The following GEN1 variants were observed in gnomAD, a reference collection of about 807,000 sequenced individuals.
GEN1 encodes the protein GEN1 structure-specific endonuclease, also known as flap endonuclease GEN homolog 1.
A neutral mutation model predicts 67.6 loss-of-function variants in GEN1; 64 were observed. The ratio of observed to expected loss-of-function variants is 0.95; its 90% CI spans 0.77 to 1.17. The LOEUF (loss-of-function observed/expected upper bound fraction) is 1.17, where lower values mean the gene tolerates loss of function less well. GEN1 is among the 50% of genes most tolerant of loss of function. The pLI is 0.00. For missense variants in GEN1, 1,058 were observed against 1,048.3 expected, an observed-to-expected ratio of 1.01 and a Z score of -0.13; for synonymous variants, 371 against 359.4, an observed-to-expected ratio of 1.03 and a Z score of -0.37.
Position 17,760,102 on chromosome 2 carries a change from C to T in GEN1, c.159C>T (p.Leu53=), listed in dbSNP as rs756747844. ...KMMGSVMKPH[L]RNLFFRISYL... ...TGGGCAGCGTCATGAAGCCCCACCT[C>T]AGGTATAGTAAAAGCTCTTACAGTA... Residue 53 remains leucine, a splice_region_variant and synonymous_variant, in exon 2 of 14, where the codon CTC becomes CTT. Coordinates refer to ENST00000381254, the MANE Select transcript of GEN1 (RefSeq NM_001130009.3). The T allele has an allele frequency of 2.5e-6, 4 of 1,613,752 alleles. No individual in the cohort carries two copies. Among genetic ancestry groups the T allele is most frequent in the Non-Finnish European group, 3.4e-6 (4 of 1,179,826 alleles).
At chr2:17,761,251 T>C in intron 2 of GEN1, 145 bp from the exon 3 acceptor site, 1 of 574,374 alleles carries the variant, frequency 1.7e-6, no homozygotes, top group Non-Finnish European at 3.1e-6. Flanking sequence ...ATTCAGTGGT[T>C]TTCCACTCTA....
chr2:17,777,933 C>G (rs1391821775), intron 11 of GEN1, 69 bp from the exon 12 acceptor site: 1 of 828,276 alleles, frequency 1.2e-6, no homozygotes, highest in Non-Finnish European at 2.0e-6. Flanking sequence ...GGAAATTATT[C>G]AGGTTAGAAA....
At chr2:17,777,785 A>G (rs115719988) in intron 11 of GEN1, among the ~76,000 whole-genome samples, 362 of 152,240 alleles carry the variant, frequency 2.4e-3, no homozygotes, top group African/African-American at 8.4e-3. Flanking sequence ...ACTGCATAAT[A>G]AGGTAAGAAA....
rs1043876544 is a variant in GEN1, at chr2:17,784,359, G to T, written c.*2420G>T. On this transcript the variant is annotated 3_prime_UTR_variant, in exon 14 of 14. Coordinates refer to ENST00000381254, the MANE Select transcript of GEN1 (RefSeq NM_001130009.3). ...GAAATTGAAATTCTCATAACATGCTGGTAGGAATGTAAAATGGGGCAGCCA... is the reference window on the plus strand; with the variant it reads ...GAAATTGAAATTCTCATAACATGCTTGTAGGAATGTAAAATGGGGCAGCCA... 1 of 152,168 alleles carries T rather than the reference G, an allele frequency of 6.6e-6. No individual in the cohort carries two copies. Among genetic ancestry groups the T allele is most frequent in the African/African-American group, 2.4e-5 (1 of 41,420 alleles). 9.4% of individuals were successfully genotyped at this position (152,168 alleles called of 1,614,324 possible).
rs1672251463 is a variant in GEN1, at chr2:17,772,752, G to A, written c.921G>A (p.Arg307=). 1.9e-6 allele frequency: 3 copies of A among 1,610,330 alleles called. 1 individual carries two copies. The highest frequency in any genetic ancestry group is 2.2e-5 in the South Asian group (2 of 90,646). The change falls in exon 8 of 14, where the codon AGG becomes AGA. Residue 307 remains arginine, a synonymous_variant. Transcript: ENST00000381254. ...AGTGGCACCGTACAGAACATGATAG[G>A]CAACTCAGTGAAGTAGAGAACAATA... The part of the protein sequence containing the change: ...PCEWHRTEHD[R]QLSEVENNIK...
Position 17,782,305 on chromosome 2 carries a change from T to A in GEN1, c.*366T>A, listed in dbSNP as rs1004208594. The A allele has an allele frequency of 6.4e-6, 1 of 156,790 alleles. No homozygotes were observed. The highest frequency in any genetic ancestry group is 2.4e-5 in the African/African-American group (1 of 41,594). 9.7% of individuals were successfully genotyped at this position (156,790 alleles called of 1,614,324 possible). A position where few individuals can be genotyped will look rare whatever the true frequency, so the allele number is the denominator to read the frequency against. On this transcript the variant is annotated 3_prime_UTR_variant, in exon 14 of 14. Coordinates refer to ENST00000381254, the MANE Select transcript of GEN1 (RefSeq NM_001130009.3). The stretch of plus-strand genomic sequence containing the variant: ...CAGCTTGTTCCCAAGAGGATAATTC[T>A]TTATACTTCTCTTCATTCTTTTAAG...
chr2:17,772,557 T>C, intron 7 of GEN1, 77 bp from the exon 8 acceptor site: 1 of 1,358,320 alleles, frequency 7.4e-7, no homozygotes, highest in Non-Finnish European at 1.0e-6. Flanking sequence ...AAAATTTAGA[T>C]ACTGGCAAAA....
chr2:17,774,943 C>T (rs1185447484), intron 11 of GEN1, among the ~76,000 whole-genome samples: 2 of 151,738 alleles, frequency 1.3e-5, no homozygotes, highest in Non-Finnish European at 2.9e-5. Context: ...CCAGAAAGCC[C>T]ACTGGAAATT....
intron 5 of GEN1, among the ~76,000 whole-genome samples, chr2:17,767,202 C>CACAA (rs1671974000): frequency 6.6e-6 from 1 of 152,152 alleles, no homozygotes; most frequent in Non-Finnish European, 1.5e-5. Flanking sequence ...GATGCACAAT[C>CACAA]TAGTGCTCTG....
In GEN1 at chr2:17,781,521, C is replaced by T. The variant is rs1341029944; in HGVS notation, c.2309C>T (p.Pro770Leu). 1.2e-6 allele frequency: 2 copies of T among 1,613,630 alleles called. No homozygotes were observed. The highest frequency in any genetic ancestry group is 2.2e-5 in the East Asian group (1 of 44,860). ...NTVVKTCNVR[P>L]PNTALDHSRK... ...GTGGTAAAGACCTGCAATGTTAGAC[C>T]ACCAAATACTGCTTTAGATCATAGT... The change falls in exon 14 of 14, where the codon CCA becomes CTA. Residue 770 changes from proline to leucine, a missense_variant. Physicochemically the swap from Pro to Leu is moderately conservative, Grantham distance 98. Coordinates refer to ENST00000381254, the MANE Select transcript of GEN1 (RefSeq NM_001130009.3).
intron 12 of GEN1, among the ~76,000 whole-genome samples, chr2:17,779,500 T>C (rs1672721147): frequency 6.6e-6 from 1 of 152,214 alleles, no homozygotes; most frequent in Non-Finnish European, 1.5e-5. Context: ...TGTACTGCTA[T>C]CAACAGATTG....
rs149936944 is a variant in GEN1, at chr2:17,781,726, CAAGTT to C, written c.2515_2519del (p.Lys839GlufsTer2). ...CCCATTTCAAAGAAAGTGGCCATAA[CAAGTT>C]GAGTAGCCCTAAGATACATATTAAA... is the stretch of plus-strand genomic sequence containing the variant. On this transcript the variant is annotated frameshift_variant, in exon 14 of 14. Coordinates refer to ENST00000381254, the MANE Select transcript of GEN1 (RefSeq NM_001130009.3). LOFTEE classifies it low-confidence loss of function (END_TRUNC). 0.1 allele frequency: 162,367 copies of C among 1,613,120 alleles called. 8,733 individuals are homozygous for C. Among genetic ancestry groups the C allele is most frequent in the Non-Finnish European group, 0.11 (133,208 of 1,179,168 alleles).
chr2:17,777,891 A>C (rs976154792), intron 11 of GEN1, 111 bp from the exon 12 acceptor site: 1 of 604,826 alleles, frequency 1.7e-6, no homozygotes, highest in Non-Finnish European at 3.1e-6. Flanking sequence ...GTAATTCCTT[A>C]AAATGTTTTT....
intron 5 of GEN1, 74 bp downstream of exon 5, chr2:17,766,763 A>G (rs1421938537): frequency 6.6e-6 from 5 of 763,278 alleles, no homozygotes; most frequent in African/African-American, 1.8e-5. Flanking sequence ...ATAAATATGA[A>G]TATAATATGG....
Position 17,774,377 on chromosome 2 carries a change from ACT to A in GEN1, c.1181_1182del (p.Ser394Ter), listed in dbSNP as rs1189731507. The A allele has an allele frequency of 1.7e-5, 28 of 1,603,792 alleles. No homozygotes were observed. The highest frequency in any genetic ancestry group is 2.4e-5 in the Non-Finnish European group (28 of 1,174,304). On this transcript the variant is annotated frameshift_variant, in exon 11 of 14. Transcript: ENST00000381254. LOFTEE classifies it high-confidence loss of function. ...ATAGAAAGAAAGCTTGGTAGCAGAA[ACT>A]CTAATCAACTACAGCCAATTCGGTA... is the stretch of plus-strand genomic sequence containing the variant.
At chr2:17,778,156 A>G in intron 12 of GEN1, 93 bp downstream of exon 12, 1 of 451,698 alleles carries the variant, frequency 2.2e-6, no homozygotes, top group Non-Finnish European at 4.1e-6. Flanking sequence ...ATATATATAC[A>G]CACACACATA....
At chr2:17,770,878 A>C (rs551106980) in intron 6 of GEN1, among the ~76,000 whole-genome samples, 1 of 109,750 alleles carries the variant, frequency 9.1e-6, no homozygotes, top group East Asian at 2.1e-4. Flanking sequence ...AAGATTCTTC[A>C]AAAAAAAAAG....
intron 6 of GEN1, among the ~76,000 whole-genome samples, chr2:17,769,166 T>A (rs936562857): frequency 1.3e-5 from 2 of 152,076 alleles, no homozygotes; most frequent in African/African-American, 4.8e-5. Context: ...ACAACAGATA[T>A]GCACCACTGT....
chr2:17,766,843 C>T (rs569760702), intron 5 of GEN1, among the ~76,000 whole-genome samples, 154 bp downstream of exon 5: 167 of 152,208 alleles, frequency 1.1e-3, no homozygotes, highest in African/African-American at 4.0e-3. Flanking sequence ...CTAAAATAAT[C>T]GGCATTTCAG....
Sources: gnomAD v4.1 joint callset for allele counts (sites outside exome capture counted in the v4.1 genomes callset) on GRCh38, gnomAD v4.1.1 for gene constraint, MANE v1.5 for transcripts, NCBI Gene and HGNC (gene_info 2026-07-23, HGNC 2026-07-21) for gene names.